The following EIPR1 variants were observed in gnomAD, a reference collection of about 807,000 sequenced individuals.
EIPR1 encodes EARP complex and GARP complex interacting protein 1, also known as EARP and GARP complex-interacting protein 1.
EIPR1 carries 25 observed loss-of-function variants against 48.1 expected under a neutral mutation model. The observed-to-expected ratio is 0.52, with a 90% CI of 0.38 to 0.73. The LOEUF (loss-of-function observed/expected upper bound fraction) is 0.73, where lower values mean the gene tolerates loss of function less well. EIPR1 is among the 30% of genes least tolerant of loss of function. The pLI is 0.00. For synonymous variants in EIPR1, 204 were observed against 201.9 expected (o/e 1.01, Z -0.09); for missense variants, 415 against 506.2 (o/e 0.82, Z 1.73).
At chr2:3,293,965 G>A (rs2103277674) in intron 3 of EIPR1, among the ~76,000 whole-genome samples, 1 of 152,210 alleles carries the variant, frequency 6.6e-6, no homozygotes, top group Middle Eastern at 3.4e-3. Context: ...GAACACCACA[G>A]ACTCCAAACA....
chr2:3,313,827 A>G (rs1051512666), intron 3 of EIPR1, among the ~76,000 whole-genome samples: 2 of 152,184 alleles, frequency 1.3e-5, no homozygotes, highest in Admixed American at 6.5e-5. Context: ...GAAATGAAGG[A>G]AAAAACAGGA....
intron 4 of EIPR1, among the ~76,000 whole-genome samples, chr2:3,247,448 G>A (rs11127393): frequency 0.56 from 84,407 of 151,966 alleles, 23,783 homozygotes; most frequent in East Asian, 0.76. Context: ...TGATGATGAT[G>A]CATTGTGGAG....
intron 4 of EIPR1, among the ~76,000 whole-genome samples, chr2:3,241,249 C>G (rs77981081): frequency 0.031 from 4,779 of 152,294 alleles, 83 homozygotes; most frequent in Middle Eastern, 0.1. Context: ...CTCCGCAGAG[C>G]TGAGATGCAG....
rs115575805 is a variant in EIPR1, at chr2:3,288,864, A to T, written c.260-31409T>A. ...GGTGCACCAGCCATTCCTGCATGGG[A>T]TGGGTAGGAGGGCCAGGTGATGGCC... On this transcript the variant is annotated intron_variant, in intron 3 of 8. Transcript: ENST00000382125. 1.8e-3 allele frequency among the ~76,000 whole-genome samples: 276 copies of T among 152,272 alleles called. 1 individual carries two copies. Among genetic ancestry groups the T allele is most frequent in the African/African-American group, 6.4e-3 (264 of 41,544 alleles).
At chr2:3,234,623 CT>C (rs1194385949) in intron 4 of EIPR1, among the ~76,000 whole-genome samples, 1 of 152,274 alleles carries the variant, frequency 6.6e-6, no homozygotes, top group South Asian at 2.1e-4. Flanking sequence ...TCCCTCACTC[CT>C]GTTGGGGTCC....
Position 3,208,879 on chromosome 2 carries a change from C to T in EIPR1, c.516+5270G>A, listed in dbSNP as rs755358443. On this transcript the variant is annotated intron_variant, in intron 5 of 8. Transcript: ENST00000382125. The stretch of plus-strand genomic sequence containing the variant: ...TTCCCCGACTCCAGTGTTCCTCTTC[C>T]CCACAAGGCCTCCAGCCTGGGAATG... 3.2e-6 allele frequency: 5 copies of T among 1,549,630 alleles called. No homozygotes were observed. The South Asian group carries it at 4.8e-5, about 15-fold the overall frequency.
intron 4 of EIPR1, among the ~76,000 whole-genome samples, chr2:3,235,446 G>GCA (rs1296427504): frequency 7.2e-5 from 2 of 27,854 alleles, no homozygotes; most frequent in Non-Finnish European, 1.3e-4. Flanking sequence ...ACACGCGTGC[G>GCA]CGCACACACA....
At chr2:3,262,138 C>T (rs1667352910) in intron 3 of EIPR1, 1 of 152,420 alleles carries the variant, frequency 6.6e-6, no homozygotes, top group African/African-American at 2.4e-5. Context: ...GCACGCTGTC[C>T]TATCCCAATG....
At chr2:3,242,635 C>T (rs1666674083) in intron 4 of EIPR1, among the ~76,000 whole-genome samples, 1 of 152,220 alleles carries the variant, frequency 6.6e-6, no homozygotes, top group African/African-American at 2.4e-5. Context: ...TGTGCTCAGA[C>T]TAAGATTCCA....
chr2:3,295,093 C>CTG (rs1668510193), intron 3 of EIPR1, among the ~76,000 whole-genome samples: 1 of 141,148 alleles, frequency 7.1e-6, no homozygotes, highest in Non-Finnish European at 1.5e-5. Flanking sequence ...CATCCTCTTT[C>CTG]CACACATACA....
intron 4 of EIPR1, among the ~76,000 whole-genome samples, chr2:3,237,956 A>G (rs1380309906): frequency 6.6e-6 from 1 of 152,106 alleles, no homozygotes; most frequent in Non-Finnish European, 1.5e-5. Context: ...TGAGAAATCC[A>G]AGGGGTGAAG....
Position 3,224,259 on chromosome 2 carries a change from C to G in EIPR1, c.417-10011G>C, listed in dbSNP as rs116302911. ...TGTCTTACTTTAAGGACTCACCATC[C>G]AGACACAGTCTTAGGCTCAAGTGCT... On this transcript the variant is annotated intron_variant, in intron 4 of 8. Coordinates refer to ENST00000382125, the MANE Select transcript of EIPR1 (RefSeq NM_003310.5). 7.2e-3 allele frequency among the ~76,000 whole-genome samples: 1,102 copies of G among 152,312 alleles called. 9 individuals carry two copies. Among genetic ancestry groups the G allele is most frequent in the Middle Eastern group, 0.051 (15 of 294 alleles).
At chr2:3,308,335 T>A (rs1021734610) in intron 3 of EIPR1, among the ~76,000 whole-genome samples, 22 of 152,064 alleles carry the variant, frequency 1.4e-4, no homozygotes, top group African/African-American at 5.3e-4. Flanking sequence ...ACTCTTCTCT[T>A]GAAACAAATA....
At chr2:3,360,923 G>C (rs574786001) in intron 1 of EIPR1, among the ~76,000 whole-genome samples, 7 of 152,118 alleles carry the variant, frequency 4.6e-5, no homozygotes, top group African/African-American at 1.7e-4. Flanking sequence ...GGAAAGGGGA[G>C]GGGGAAGGAA....
intron 3 of EIPR1, among the ~76,000 whole-genome samples, chr2:3,330,105 G>T (rs776086902): frequency 6.6e-6 from 1 of 152,260 alleles, no homozygotes; most frequent in African/African-American, 2.4e-5. Context: ...TCCCCTCGGC[G>T]AATTCCTGAA....
chr2:3,318,138 C>T (rs185542021), intron 3 of EIPR1, among the ~76,000 whole-genome samples: 3 of 152,376 alleles, frequency 2.0e-5, no homozygotes, highest in East Asian at 3.9e-4. Context: ...CATGTCGAAA[C>T]GGCTGTGGGC....
intron 6 of EIPR1, 65 bp from the exon 7 acceptor site, chr2:3,194,231 G>T (rs1664715979): frequency 1.3e-6 from 2 of 1,580,638 alleles, no homozygotes; most frequent in African/African-American, 1.3e-5. Context: ...ACTGCGTGCT[G>T]CGGGCACACA....
At chr2:3,370,380 T>C (rs1266207438) in intron 1 of EIPR1, among the ~76,000 whole-genome samples, 1 of 152,230 alleles carries the variant, frequency 6.6e-6, no homozygotes, top group Non-Finnish European at 1.5e-5. Context: ...GGAACAAAGC[T>C]GGACGGAGAA....
chr2:3,197,534 C>T (rs1173572747), intron 5 of EIPR1, among the ~76,000 whole-genome samples: 2 of 152,212 alleles, frequency 1.3e-5, no homozygotes, highest in Non-Finnish European at 2.9e-5. Flanking sequence ...ACCATGAAGG[C>T]CTCAGCAAGG....
Sources: gnomAD v4.1 joint callset for allele counts (sites outside exome capture counted in the v4.1 genomes callset) on GRCh38, gnomAD v4.1.1 for gene constraint, MANE v1.5 for transcripts, NCBI Gene and HGNC (gene_info 2026-07-23, HGNC 2026-07-21) for gene names.